The following SPMIP2 variants were observed in gnomAD, a reference collection of about 807,000 sequenced individuals.
SPMIP2 encodes protein SPMIP2.
the SPMIP2 span, among the ~76,000 whole-genome samples, chr4:159,048,640 G>C: frequency 6.6e-6 from 1 of 150,674 alleles, no homozygotes; most frequent in Admixed American, 6.6e-5. Flanking sequence ...CAAGGATCCC[G>C]AATTGAAAAT....
the SPMIP2 span, among the ~76,000 whole-genome samples, chr4:159,037,049 G>A: frequency 6.6e-6 from 1 of 152,224 alleles, no homozygotes; most frequent in South Asian, 2.1e-4. Flanking sequence ...CCTAAATGAA[G>A]AAAGTAATTC....
the SPMIP2 span, among the ~76,000 whole-genome samples, chr4:158,956,667 C>T: frequency 1.3e-5 from 2 of 152,210 alleles, no homozygotes. Flanking sequence ...CATTCGATCT[C>T]TTCACCTAAA....
At chr4:158,988,568 G>T in the SPMIP2 span, among the ~76,000 whole-genome samples, 1 of 152,186 alleles carries the variant, frequency 6.6e-6, no homozygotes, top group South Asian at 2.1e-4. Context: ...TCTCTGGGAT[G>T]CAAGGCTGGT....
the SPMIP2 span, among the ~76,000 whole-genome samples, chr4:158,996,028 C>T: frequency 2.0e-5 from 3 of 152,094 alleles, no homozygotes; most frequent in East Asian, 5.8e-4. Context: ...ACCCGTTTTT[C>T]GTCCCTATTA....
At chr4:159,080,288 C>T in the SPMIP2 span, among the ~76,000 whole-genome samples, 3 of 152,152 alleles carry the variant, frequency 2.0e-5, no homozygotes, top group South Asian at 4.1e-4. Context: ...ACAATCACGG[C>T]TCACTGCCAC....
the SPMIP2 span, among the ~76,000 whole-genome samples, chr4:159,046,955 C>A: frequency 6.6e-6 from 1 of 152,144 alleles, no homozygotes; most frequent in Admixed American, 6.5e-5. Flanking sequence ...GAAGAATGAT[C>A]GATCCATAAG....
chr4:158,905,515 G>C, the SPMIP2 span: 1 of 152,236 alleles, frequency 6.6e-6, no homozygotes, highest in Non-Finnish European at 1.5e-5. Flanking sequence ...ACCTGCAGCA[G>C]TTCAGGATGA....
At chr4:159,037,783 TATACACACACACACACACACAC>T in the SPMIP2 span, among the ~76,000 whole-genome samples, 3 of 97,604 alleles carry the variant, frequency 3.1e-5, no homozygotes, top group East Asian at 3.1e-4. Context: ...AAAAACAATA[TATACACACACACACACACACAC>T]ACACACACAC....
At chr4:159,052,966 T>A in the SPMIP2 span, among the ~76,000 whole-genome samples, 18 of 144,236 alleles carry the variant, frequency 1.2e-4, no homozygotes, top group East Asian at 2.0e-4. Context: ...TTTTTTTTTT[T>A]TTTTTTTTGA....
chr4:158,973,421 G>A, the SPMIP2 span: 19 of 602,720 alleles, frequency 3.2e-5, no homozygotes, highest in African/African-American at 1.5e-4. Context: ...TACTTACTAC[G>A]TTCTAGGTTC....
At chr4:158,911,797 C>T in the SPMIP2 span, among the ~76,000 whole-genome samples, 42 of 152,020 alleles carry the variant, frequency 2.8e-4, no homozygotes, top group African/African-American at 9.4e-4. Context: ...CTCTCAAACT[C>T]GAGTGGATGA....
the SPMIP2 span, chr4:158,906,180 T>C: frequency 1.1e-4 from 16 of 152,368 alleles, no homozygotes; most frequent in Middle Eastern, 3.4e-3. Context: ...GTGTTTTAAG[T>C]TCTGTAGTTC....
chr4:158,981,249 C>T, the SPMIP2 span, among the ~76,000 whole-genome samples: 49 of 152,242 alleles, frequency 3.2e-4, no homozygotes, highest in Admixed American at 1.1e-3. Context: ...CTGAAAGTGA[C>T]AGGGAGAATG....
At chr4:158,935,728 C>T in the SPMIP2 span, among the ~76,000 whole-genome samples, 3 of 152,184 alleles carry the variant, frequency 2.0e-5, no homozygotes, top group African/African-American at 7.2e-5. Flanking sequence ...GCCTGAACGT[C>T]TGGGAAATGG....
chr4:159,081,929 G>C, the SPMIP2 span, among the ~76,000 whole-genome samples: 1 of 152,004 alleles, frequency 6.6e-6, no homozygotes, highest in Non-Finnish European at 1.5e-5. Context: ...CAGATTATTG[G>C]ATTCTTGATT....
the SPMIP2 span, among the ~76,000 whole-genome samples, chr4:158,911,384 A>AAATAAAAT: frequency 1.3e-5 from 1 of 79,212 alleles, no homozygotes; most frequent in African/African-American, 6.6e-5. Context: ...ATAAATAAAT[A>AAATAAAAT]AAATAAATAA....
chr4:158,914,795 C>CGGGT, the SPMIP2 span, among the ~76,000 whole-genome samples: 1 of 152,180 alleles, frequency 6.6e-6, no homozygotes, highest in Non-Finnish European at 1.5e-5. Flanking sequence ...AGAATTCAAA[C>CGGGT]GGGTATAAGC....
the SPMIP2 span, chr4:158,904,924 G>C: frequency 1.6e-3 from 256 of 161,040 alleles, no homozygotes; most frequent in African/African-American, 5.7e-3. Flanking sequence ...TAATATTCCA[G>C]TAGGAAACTG....
At chr4:159,037,675 G>T in the SPMIP2 span, among the ~76,000 whole-genome samples, 4 of 151,718 alleles carry the variant, frequency 2.6e-5, no homozygotes, top group South Asian at 8.4e-4. Flanking sequence ...GGAGGCTTAG[G>T]TGGGAGGATT....
Sources: gnomAD v4.1 joint callset for allele counts (sites outside exome capture counted in the v4.1 genomes callset) on GRCh38, gnomAD v4.1.1 for gene constraint, MANE v1.5 for transcripts, NCBI Gene and HGNC (gene_info 2026-07-23, HGNC 2026-07-21) for gene names.